PVT1: variants seen among roughly 807,000 people sequenced by gnomAD.
PVT1 encodes the protein Pvt1 oncogene.
At chr8:127,826,046 G>A (rs543572531) in intron 2 of PVT1, among the ~76,000 whole-genome samples, 17 of 124,146 alleles carry the variant, frequency 1.4e-4, no homozygotes, top group African/African-American at 5.4e-4. Context: ...TGATAGTAGA[G>A]ATGAGGTCTT....
chr8:128,033,194 A>T, intron 4 of PVT1, among the ~76,000 whole-genome samples: 1 of 152,236 alleles, frequency 6.6e-6, no homozygotes, highest in East Asian at 1.9e-4. Context: ...CCAACAATCC[A>T]CTTAAGGAGA....
intron 4 of PVT1, among the ~76,000 whole-genome samples, chr8:127,999,460 C>T (rs1482264367): frequency 2.0e-5 from 3 of 147,902 alleles, no homozygotes; most frequent in Admixed American, 2.0e-4. Flanking sequence ...TACCACATTT[C>T]ACCCATTTTT....
chr8:127,984,842 TTTCTTTCTTTCTTTCTTTC>T lies in PVT1; in HGVS notation n.783-4317_783-4299del, dbSNP rs1202430111. 4.8e-3 allele frequency among the ~76,000 whole-genome samples: 259 copies of T among 53,812 alleles called. 14 individuals carry two copies. The highest frequency in any genetic ancestry group is 6.5e-3 in the Non-Finnish European group (179 of 27,626). 35.3% of individuals were successfully genotyped at this position (53,812 alleles called of 152,430 possible). The stretch of plus-strand genomic sequence containing the variant: ...AGGCTGGTTTCTTTCTTTTCTTTTC[TTTCTTTCTTTCTTTCTTTC>T]TTTCTTTCTTTCTTTCTTTCTTTCT... On this transcript the variant is annotated intron_variant and non_coding_transcript_variant, in intron 3 of 10. Coordinates refer to ENST00000651587, the Ensembl canonical transcript of PVT1.
chr8:127,846,543 A>G (rs1387437552), intron 2 of PVT1, among the ~76,000 whole-genome samples: 1 of 152,132 alleles, frequency 6.6e-6, no homozygotes, highest in Non-Finnish European at 1.5e-5. Context: ...TGATGACTGG[A>G]GCCTGTGCCG....
At chr8:127,946,514 G>T (rs1816422600) in intron 3 of PVT1, 1 of 152,178 alleles carries the variant, frequency 6.6e-6, no homozygotes, top group African/African-American at 2.4e-5. Flanking sequence ...CCAAGAAAAG[G>T]AAAGAGACCA....
intron 4 of PVT1, among the ~76,000 whole-genome samples, chr8:127,997,053 TTTTGTTTGTTTG>T (rs1205696836): frequency 2.2e-5 from 3 of 134,200 alleles, no homozygotes; most frequent in South Asian, 2.9e-4. Flanking sequence ...CGTTTTTTTT[TTTTGTTTGTTTG>T]TTTTTTGATA....
intron 4 of PVT1, chr8:128,010,324 C>T (rs11778748): frequency 0.64 from 97,465 of 152,014 alleles, 31,608 homozygotes; most frequent in East Asian, 0.71. Flanking sequence ...TCAGTTAATG[C>T]TAGGGTGACA....
At chr8:127,831,703 C>T (rs1297962448) in intron 2 of PVT1, among the ~76,000 whole-genome samples, 1 of 152,160 alleles carries the variant, frequency 6.6e-6, no homozygotes, top group Non-Finnish European at 1.5e-5. Flanking sequence ...GGAAGACCTT[C>T]TTAAGGAAGG....
At chr8:128,066,462 G>T (rs1186983725) in intron 4 of PVT1, among the ~76,000 whole-genome samples, 1 of 152,220 alleles carries the variant, frequency 6.6e-6, no homozygotes, top group East Asian at 1.9e-4. Context: ...AATCTTTGTT[G>T]CTTTAAGCCA....
chr8:127,891,903 C>CCAA lies in PVT1; in HGVS notation n.782+906_782+907insAAC, dbSNP rs535273180. ...GGAGCAGCTGGGTTGGCCACAAAGG[C>CCAA]CTGTTGCAGTTCTGCAGCTGACAAG... is the stretch of plus-strand genomic sequence containing the variant. On this transcript the variant is annotated intron_variant and non_coding_transcript_variant, in intron 3 of 10. Transcript: ENST00000651587. Among the ~76,000 whole-genome samples, 99 of 152,326 alleles carry CCAA rather than the reference C, an allele frequency of 6.5e-4. No homozygotes were observed. The South Asian group carries it at 0.011, about 18-fold the overall frequency.
intron 3 of PVT1, among the ~76,000 whole-genome samples, chr8:127,982,685 A>T (rs4733810): frequency 0.27 from 38,813 of 142,142 alleles, 5,150 homozygotes; most frequent in East Asian, 0.42. Flanking sequence ...TTAATAAAAT[A>T]AATGAATCAA....
chr8:127,879,548 A>G (rs1815442031), intron 2 of PVT1, among the ~76,000 whole-genome samples: 1 of 151,942 alleles, frequency 6.6e-6, no homozygotes, highest in South Asian at 2.1e-4. Flanking sequence ...AAACAAAACA[A>G]AACAAACAAA....
At chr8:127,862,579 C>T (rs1370171633) in intron 2 of PVT1, among the ~76,000 whole-genome samples, 1 of 152,088 alleles carries the variant, frequency 6.6e-6, no homozygotes, top group Non-Finnish European at 1.5e-5. Flanking sequence ...CACCACTATG[C>T]CCAGCTAATT....
intron 2 of PVT1, among the ~76,000 whole-genome samples, chr8:127,855,488 T>TG (rs983235872): frequency 3.3e-5 from 5 of 152,198 alleles, no homozygotes; most frequent in South Asian, 4.1e-4. Flanking sequence ...CAGGTGGCTT[T>TG]GGGGGGGACA....
At chr8:127,990,144 G>T (rs1817016261) in intron 4 of PVT1, among the ~76,000 whole-genome samples, 1 of 152,210 alleles carries the variant, frequency 6.6e-6, no homozygotes, top group South Asian at 2.1e-4. Context: ...CTGGGAAACA[G>T]CTGAGAATCA....
At chr8:127,816,144 T>C (rs1351870524) in intron 2 of PVT1, among the ~76,000 whole-genome samples, 1 of 152,070 alleles carries the variant, frequency 6.6e-6, no homozygotes, top group Non-Finnish European at 1.5e-5. Context: ...AAATTATAGA[T>C]GTCACCTACA....
chr8:127,954,825 G>A (rs1404209938), intron 3 of PVT1, among the ~76,000 whole-genome samples: 1 of 152,190 alleles, frequency 6.6e-6, no homozygotes, highest in Non-Finnish European at 1.5e-5. Flanking sequence ...GGGTCTGTGA[G>A]CTCTGTACCA....
At position 128,081,842 on chromosome 8, in the gene PVT1, A is replaced by G. The variant is rs187534424; in HGVS notation, n.1114+11481A>G. 1.1e-3 allele frequency among the ~76,000 whole-genome samples: 165 copies of G among 152,378 alleles called. 1 individual carries two copies. Among genetic ancestry groups the G allele is most frequent in the Non-Finnish European group, 1.5e-3 (104 of 68,042 alleles). Reference sequence around the variant, plus strand: ...CGGCATTTTAACTAGTAACAGAACCAAGGCTAAAACTAAACTATTGTAGAT... The same window carrying G: ...CGGCATTTTAACTAGTAACAGAACCGAGGCTAAAACTAAACTATTGTAGAT... On this transcript the variant is annotated intron_variant and non_coding_transcript_variant, in intron 5 of 10. Coordinates refer to ENST00000651587, the Ensembl canonical transcript of PVT1.
At chr8:127,914,014 C>T (rs1815945404) in intron 3 of PVT1, among the ~76,000 whole-genome samples, 1 of 152,016 alleles carries the variant, frequency 6.6e-6, no homozygotes, top group South Asian at 2.1e-4. Context: ...AGGCTTGAGG[C>T]AGCATACGAG....
Sources: allele counts gnomAD v4.1 joint callset (sites outside exome capture counted in the v4.1 genomes callset), GRCh38; gene constraint gnomAD v4.1.1; transcripts MANE v1.5; gene names NCBI Gene and HGNC (gene_info 2026-07-23, HGNC 2026-07-21).